Variants in KIF7 observed in about 807,000 individuals in gnomAD.
KIF7 encodes kinesin family member 7.
Under a neutral mutation model 135.7 loss-of-function variants are expected in KIF7, and 104 were observed. That is an observed-to-expected ratio of 0.77 (90% CI 0.65 to 0.90). The LOEUF (loss-of-function observed/expected upper bound fraction) is 0.90. Among genes scored for constraint, KIF7 ranks in the 40% least tolerant of loss-of-function variants. The pLI is 0.00. For missense variants in KIF7, 2,005 were observed against 1,839.1 expected (o/e 1.09, Z -1.65); for synonymous variants, 883 against 809.4 (o/e 1.09, Z -1.54).
At chr15:89,626,038 C>T, downstream of KIF7, 2 of 1,613,972 alleles carry the variant, frequency 1.2e-6, no homozygotes, top group South Asian at 1.1e-5. Flanking sequence ...AAAACACCTT[C>T]CTCTCAGAGC....
At chr15:89,622,799 G>A (rs1378446215) in intron 1 of KIF7, among the ~76,000 whole-genome samples, 4 of 152,134 alleles carry the variant, frequency 2.6e-5, no homozygotes, top group Admixed American at 2.6e-4. Context: ...TATGCCTACA[G>A]GCCGCCACCA....
chr15:89,619,335 C>T (rs1391786084), intron 1 of KIF7, among the ~76,000 whole-genome samples: 1 of 147,416 alleles, frequency 6.8e-6, no homozygotes, highest in African/African-American at 2.5e-5. Context: ...AAGCGATTCT[C>T]CTGCCACAGC....
intron 11 of KIF7, among the ~76,000 whole-genome samples, chr15:89,635,742 G>C: frequency 6.6e-6 from 1 of 152,276 alleles, no homozygotes; most frequent in Non-Finnish European, 1.5e-5. Flanking sequence ...AACCAAGTTG[G>C]AAAACACTCT....
chr15:89,619,221 CTT>C (rs386383750), intron 1 of KIF7, among the ~76,000 whole-genome samples: 77 of 111,988 alleles, frequency 6.9e-4, no homozygotes, highest in African/African-American at 2.4e-3. Flanking sequence ...CACCATTCTT[CTT>C]TTTTTTTTTT....
chr15:89,617,703 T>C (rs1567050379), intron 2 of KIF7, among the ~76,000 whole-genome samples: 1 of 149,262 alleles, frequency 6.7e-6, no homozygotes, highest in Non-Finnish European at 1.5e-5. Context: ...TTTTTTTTTT[T>C]TTTTTTTGAG....
At chr15:89,625,664 G>T, downstream of KIF7, 1 of 1,613,762 alleles carries the variant, frequency 6.2e-7, no homozygotes, top group Non-Finnish European at 8.5e-7. Context: ...GAAGCTGACC[G>T]TGGAGCCAAA....
rs1035083771 is a variant in KIF7, at chr15:89,652,788, G to A, written c.143C>T (p.Thr48Ile). The A allele has an allele frequency of 1.9e-6, 3 of 1,551,328 alleles. No individual in the cohort carries two copies. The highest frequency in any genetic ancestry group is 2.6e-6 in the Non-Finnish European group (3 of 1,146,958). Residue 48 changes from threonine (T) to isoleucine (I), a missense_variant, in exon 2 of 19, where the codon ACT becomes ATT. Coordinates refer to ENST00000394412, the MANE Select transcript of KIF7 (RefSeq NM_198525.3). ...GCCAAAGTGTCGGTCACGGCCCAGA[G>A]TGACGCGGCCAAGCCCTGGCTCCAC... is the stretch of plus-strand genomic sequence containing the variant. ...LQVEPGLGRVTLGRDRHFGFH... is the reference protein window; with the variant it reads ...LQVEPGLGRVILGRDRHFGFH...
rs755280435 is a variant in KIF7 at position 89,649,780 on chromosome 15, G to C, written c.490C>G (p.Arg164Gly). Residue 164 changes from arginine to glycine, a missense_variant, in exon 3 of 19, where the codon CGT (arginine) becomes GGT (glycine). Arg to Gly is a moderately radical substitution (Grantham distance 125). Coordinates refer to ENST00000394412, the MANE Select transcript of KIF7 (RefSeq NM_198525.3). ...RDLLEVGTAS[R>G]DIQLREDERG... The stretch of plus-strand genomic sequence containing the variant: ...TCATCTTCCCGGAGCTGGATGTCAC[G>C]GCTGGCAGTGCCCACCTCGAGCAGG... 5 of 1,551,854 alleles carry C rather than the reference G, an allele frequency of 3.2e-6. No homozygotes were observed. The Middle Eastern group carries it at 5.0e-4, about 155-fold the overall frequency.
downstream of KIF7, chr15:89,627,020 G>A (rs1963541929): frequency 1.2e-6 from 2 of 1,614,062 alleles, no homozygotes; most frequent in Non-Finnish European, 1.7e-6. Flanking sequence ...CTTTCTCCAG[G>A]AGGCGCCCCA....
upstream of KIF7, among the ~76,000 whole-genome samples, chr15:89,660,022 A>T (rs2350480): frequency 2.0e-5 from 3 of 152,022 alleles, no homozygotes; most frequent in Non-Finnish European, 4.4e-5. Flanking sequence ...CATGCTGAAA[A>T]CCCATCTCTA....
chr15:89,632,868 C>G lies in KIF7; in HGVS notation c.2847G>C (p.Leu949=), dbSNP rs147069469. Residue 949 remains leucine, a synonymous_variant, in exon 14 of 19, where the codon CTG becomes CTC. Coordinates refer to ENST00000394412, the MANE Select transcript of KIF7 (RefSeq NM_198525.3). ...REAILAKKEA[L]MQEKTGLESK... ...TCTCCAGCCCCGTCTTCTCCTGCAT[C>G]AGGGCCTCCTTCTTGGCCAGGATGG... 2 of 1,610,156 alleles carry G rather than the reference C, an allele frequency of 1.2e-6. No individual in the cohort carries two copies. The highest frequency in any genetic ancestry group is 4.5e-5 in the East Asian group (2 of 44,876).
At chr15:89,629,924 G>GTTATAGGATGTTTAGTAACATC in intron 16 of KIF7, 1 of 515,632 alleles carries the variant, frequency 1.9e-6, no homozygotes. Flanking sequence ...TGTCCTGTGT[G>GTTATAGGATGTTTAGTAACATC]TTATAGGATG....
At position 89,629,461 on chromosome 15, in the gene KIF7, C is replaced by G; in HGVS notation, c.3431G>C (p.Arg1144Pro). The change falls in exon 17 of 19, where the codon CGG becomes CCG. Residue 1144 changes from arginine to proline, a missense_variant. Transcript: ENST00000394412. ...LVYWLEVALERQRLEMDRQLT... is the reference protein window; with the variant it reads ...LVYWLEVALEPQRLEMDRQLT... ...CTGGCGGTCCATCTCCAGGCGCTGC[C>G]GCTCCAGGGCCACCTCCAGCCAGTA... is the stretch of plus-strand genomic sequence containing the variant. The G allele has an allele frequency of 6.2e-7, 1 of 1,609,914 alleles. No homozygotes were observed. Among genetic ancestry groups the G allele is most frequent in the Non-Finnish European group, 8.5e-7 (1 of 1,179,954 alleles).
At chr15:89,662,600 C>T in the KIF7 span, among the ~76,000 whole-genome samples, 7,069 of 152,194 alleles carry the variant, frequency 0.046, 538 homozygotes, top group African/African-American at 0.16. Flanking sequence ...GAGTTAGAAG[C>T]GGGTTTTGTA....
At chr15:89,621,221 A>C (rs1963420412) in intron 1 of KIF7, among the ~76,000 whole-genome samples, 1 of 151,578 alleles carries the variant, frequency 6.6e-6, no homozygotes, top group Non-Finnish European at 1.5e-5. Flanking sequence ...GTGTTTCGCT[A>C]TGTTGGCCAG....
intron 3 of KIF7, 93 bp downstream of exon 3, chr15:89,649,648 G>A (rs961653764): frequency 2.9e-6 from 4 of 1,371,116 alleles, no homozygotes; most frequent in Non-Finnish European, 4.0e-6. Context: ...TCCATGAGGA[G>A]TTGCCATTCC....
rs750635928 is a variant in KIF7, at chr15:89,628,753, C to G, written c.3698G>C (p.Arg1233Thr). Residue 1233 changes from arginine to threonine, a missense_variant, in exon 19 of 19, where the codon AGA becomes ACA. Coordinates refer to ENST00000394412, the MANE Select transcript of KIF7 (RefSeq NM_198525.3). ...GEKRSLCSEG[R>T]QAPGNEDELH... is the part of the protein sequence containing the mutation. ...CTCATCTTCATTTCCAGGAGCCTGT[C>G]TGCCCTCCGAGCACAGGCTCCTCTT... The G allele has an allele frequency of 6.8e-6, 11 of 1,612,514 alleles. No individual in the cohort carries two copies. The South Asian group carries it at 8.8e-5, about 13-fold the overall frequency.
At chr15:89,635,190 CAA>C (rs1337486689) in intron 11 of KIF7, among the ~76,000 whole-genome samples, 1 of 152,120 alleles carries the variant, frequency 6.6e-6, no homozygotes, top group Admixed American at 6.5e-5. Flanking sequence ...TCACCATCAT[CAA>C]AGACCAAAAG....
At chr15:89,633,079 A>G in intron 13 of KIF7, 62 bp downstream of exon 13, 1 of 1,600,250 alleles carries the variant, frequency 6.2e-7, no homozygotes, top group Non-Finnish European at 8.5e-7. Flanking sequence ...CACTGGGGAG[A>G]AAGGTGCACC....
Sources: allele counts gnomAD v4.1 joint callset (sites outside exome capture counted in the v4.1 genomes callset), GRCh38; gene constraint gnomAD v4.1.1; transcripts MANE v1.5; gene names NCBI Gene and HGNC (gene_info 2026-07-23, HGNC 2026-07-21).